CYP26B1: variants seen among roughly 807,000 people sequenced by gnomAD.
CYP26B1 encodes cytochrome P450 26B1.
Under a neutral mutation model 39.1 loss-of-function variants are expected in CYP26B1, and 8 were observed. The ratio of observed to expected loss-of-function variants is 0.20; its 90% CI spans 0.12 to 0.37. CYP26B1 has a LOEUF of 0.37. CYP26B1 is among the 10% of genes least tolerant of loss of function. The probability of loss-of-function intolerance (pLI) is 1.00; values close to 1 mark genes in which losing one functional copy is unlikely to be tolerated. For missense variants in CYP26B1, 615 were observed against 707.0 expected (o/e 0.87, Z 1.48); for synonymous variants, 321 against 314.3 (o/e 1.02, Z -0.23).
chr2:72,132,799 C>T (rs1210991899), intron 5 of CYP26B1, among the ~76,000 whole-genome samples, 180 bp from the exon 6 acceptor site: 1 of 152,252 alleles, frequency 6.6e-6, no homozygotes, highest in Non-Finnish European at 1.5e-5. Context: ...AGTCCAAGCC[C>T]TTATCTGTAG....
At chr2:72,142,903 G>GTCTTTCTTCTTTTGTCT (rs1676982940) in intron 2 of CYP26B1, 1 of 166,984 alleles carries the variant, frequency 6.0e-6, no homozygotes, top group Admixed American at 6.5e-5. Flanking sequence ...TCCTCGGTTT[G>GTCTTTCTTCTTTTGTCT]ACCGCTCCTT....
At chr2:72,142,682 C>T (rs1321136276) in intron 2 of CYP26B1, among the ~76,000 whole-genome samples, 1 of 152,162 alleles carries the variant, frequency 6.6e-6, no homozygotes, top group Non-Finnish European at 1.5e-5. Context: ...AATAAGTGCC[C>T]GCAACTTTGA....
Position 72,135,400 on chromosome 2 carries a change from C to T in CYP26B1, c.449G>A (p.Ser150Asn). The T allele has an allele frequency of 6.2e-7, 1 of 1,612,216 alleles. No individual in the cohort carries two copies. Among genetic ancestry groups the T allele is most frequent in the Non-Finnish European group, 8.5e-7 (1 of 1,180,030 alleles). The stretch of plus-strand genomic sequence containing the variant: ...CAGGTAACTCTCCAGGGCCTCGTGG[C>T]TGAAGATCTTGGAGAAGACCTGGAA... ...NKRKVFSKIF[S>N]HEALESYLPK... The change falls in exon 3 of 6, where the codon AGC (serine) becomes AAC (asparagine). Residue 150 changes from serine to asparagine, a missense_variant. Transcript: ENST00000001146.
At chr2:72,143,907 G>A in intron 2 of CYP26B1, 82 bp downstream of exon 2, 2 of 1,510,920 alleles carry the variant, frequency 1.3e-6, no homozygotes, top group Non-Finnish European at 1.8e-6. Context: ...AGATTCGGTA[G>A]GGGACATTCC....
At chr2:72,144,472 G>A (rs947472752) in intron 1 of CYP26B1, 25 of 1,289,022 alleles carry the variant, frequency 1.9e-5, no homozygotes, top group East Asian at 3.0e-5. Flanking sequence ...AATGACTTTC[G>A]AGAGGAAAGA....
Position 72,144,512 on chromosome 2 carries a change from G to A in CYP26B1, c.205-299C>T. Reference sequence around the variant, plus strand: ...TCCCGGACAGCTGGACCCGAAGCGGGAGTCTCCGCCCCCACCCCCACCCCC... The same window carrying A: ...TCCCGGACAGCTGGACCCGAAGCGGAAGTCTCCGCCCCCACCCCCACCCCC... On this transcript the variant is annotated intron_variant, in intron 1 of 5. Coordinates refer to ENST00000001146, the MANE Select transcript of CYP26B1 (RefSeq NM_019885.4). 5.1e-6 allele frequency: 6 copies of A among 1,172,728 alleles called. No homozygotes were observed. In the South Asian group the frequency reaches 2.2e-4, roughly 44 times the overall value. 72.6% of individuals were successfully genotyped at this position (1,172,728 alleles called of 1,614,324 possible).
intron 1 of CYP26B1, among the ~76,000 whole-genome samples, chr2:72,145,051 C>T (rs992902003): frequency 2.0e-5 from 3 of 152,114 alleles, no homozygotes; most frequent in African/African-American, 7.2e-5. Context: ...TCACCTTTGA[C>T]GTCGGCACTA....
chr2:72,140,405 G>A (rs1401196526), intron 2 of CYP26B1, among the ~76,000 whole-genome samples: 1 of 152,252 alleles, frequency 6.6e-6, no homozygotes, highest in Admixed American at 6.5e-5. Context: ...ACTTTTGGGT[G>A]AAGGACTTGT....
Position 72,147,670 on chromosome 2 carries a change from G to A in CYP26B1, c.165C>T (p.Gly55=). 1 of 1,610,218 alleles carries A rather than the reference G, an allele frequency of 6.2e-7. No homozygotes were observed. Among genetic ancestry groups the A allele is most frequent in the Non-Finnish European group, 8.5e-7 (1 of 1,178,832 alleles). The change falls in exon 1 of 6, where the codon GGC becomes GGT. Residue 55 remains glycine (G), a synonymous_variant. Coordinates refer to ENST00000001146, the MANE Select transcript of CYP26B1 (RefSeq NM_019885.4). This position sits in a 1 kb window ranked among gnomAD's most constrained non-coding sequence, Gnocchi z 6.1. ...GGCCGGTCTCTCCGATGAGCGGGAAGCCCATGGATCCCTTGGGGATGGGCA... is the reference window on the plus strand; with the variant it reads ...GGCCGGTCTCTCCGATGAGCGGGAAACCCATGGATCCCTTGGGGATGGGCA... ...CKLPIPKGSM[G]FPLIGETGHW... is the part of the protein sequence containing the mutation.
Position 72,133,112 on chromosome 2 carries a change from A to G in CYP26B1, c.1057T>C (p.Tyr353His). Reference sequence around the variant, plus strand: ...ACCTCCTTGATGACGCAGTCCAGGTAGCGCAGCCCACTGAGCGTGTCCAGG... The same window carrying G: ...ACCTCCTTGATGACGCAGTCCAGGTGGCGCAGCCCACTGAGCGTGTCCAGG... ...LRLDTLSGLR[Y>H]LDCVIKEVMR... Residue 353 changes from tyrosine (Y) to histidine (H), a missense_variant, in exon 5 of 6, where the codon TAC becomes CAC. Physicochemically the swap from Tyr to His is moderately conservative, Grantham distance 83 (BLOSUM62 2). Coordinates refer to ENST00000001146, the MANE Select transcript of CYP26B1 (RefSeq NM_019885.4). The G allele has an allele frequency of 1.2e-6, 2 of 1,613,142 alleles. No homozygotes were observed. The highest frequency in any genetic ancestry group is 2.2e-5 in the South Asian group (2 of 91,090).
At chr2:72,145,535 G>A (rs1416508461) in intron 1 of CYP26B1, among the ~76,000 whole-genome samples, 2 of 152,242 alleles carry the variant, frequency 1.3e-5, no homozygotes, top group African/African-American at 4.8e-5. Flanking sequence ...CGGAGGTGGG[G>A]TGCGACAGAA....
intron 2 of CYP26B1, among the ~76,000 whole-genome samples, chr2:72,135,677 C>A (rs1313499666): frequency 6.6e-6 from 1 of 152,126 alleles, no homozygotes; most frequent in Admixed American, 6.5e-5. Context: ...AATCCCGGGA[C>A]ACAGGACGGA....
In CYP26B1 at chr2:72,144,043, C is replaced by A. The variant is rs1194159422; in HGVS notation, c.375G>T (p.Leu125=). Residue 125 remains leucine (L), a synonymous_variant, in exon 2 of 6, where the codon CTG becomes CTT. Coordinates refer to ENST00000001146, the MANE Select transcript of CYP26B1 (RefSeq NM_019885.4). ...TEWPRSTRML[L]GPNTVSNSIG... is the part of the protein sequence containing the mutation. ...TGGAATTGGACACCGTGTTGGGGCCCAGCAACATGCGGGTGCTGCGAGGCC... is the reference window on the plus strand; with the variant it reads ...TGGAATTGGACACCGTGTTGGGGCCAAGCAACATGCGGGTGCTGCGAGGCC... 6.2e-7 allele frequency: 1 copy of A among 1,613,702 alleles called. No homozygotes were observed. The highest frequency in any genetic ancestry group is 8.5e-7 in the Non-Finnish European group (1 of 1,180,026).
intron 2 of CYP26B1, among the ~76,000 whole-genome samples, chr2:72,143,563 A>T (rs1428971392): frequency 2.6e-5 from 4 of 152,074 alleles, no homozygotes; most frequent in African/African-American, 4.8e-5. Context: ...GACTCCCTTC[A>T]AGCAGCCTGT....
intron 2 of CYP26B1, among the ~76,000 whole-genome samples, chr2:72,140,582 C>T (rs919580678): frequency 5.9e-5 from 9 of 152,292 alleles, no homozygotes; most frequent in African/African-American, 1.9e-4. Flanking sequence ...GTGCCTTGGT[C>T]CAAATGCCTC....
Position 72,144,175 on chromosome 2 carries a change from G to A in CYP26B1, c.243C>T (p.Gly81=). 1 of 1,604,606 alleles carries A rather than the reference G, an allele frequency of 6.2e-7. No homozygotes were observed. Among genetic ancestry groups the A allele is most frequent in the Non-Finnish European group, 8.5e-7 (1 of 1,172,388 alleles). ...CCAACAAATGCGTCTTGAACACGTT[G>A]CCATACTTCTCCCTCCGCGACGACT... ...GFQSSRREKY[G]NVFKTHLLGR... is the part of the protein sequence containing the mutation. The change falls in exon 2 of 6, where the codon GGC becomes GGT. Residue 81 remains glycine (G), a synonymous_variant. Coordinates refer to ENST00000001146, the MANE Select transcript of CYP26B1 (RefSeq NM_019885.4).
chr2:72,137,332 C>T (rs965070331), intron 2 of CYP26B1, among the ~76,000 whole-genome samples: 2 of 152,196 alleles, frequency 1.3e-5, no homozygotes, highest in African/African-American at 2.4e-5. Flanking sequence ...GCTATCTGCT[C>T]CCCCAAGCCT....
intron 3 of CYP26B1, 30 bp downstream of exon 3, chr2:72,135,114 C>A: frequency 6.2e-7 from 1 of 1,611,648 alleles, no homozygotes; most frequent in Non-Finnish European, 8.5e-7. Context: ...GATGCCCCTG[C>A]TCCTCTCCTC....
rs12478279 is a variant in CYP26B1 at position 72,132,389 on chromosome 2, A to G, written c.1377T>C (p.Ala459=). 99,207 of 1,610,962 alleles carry G rather than the reference A, an allele frequency of 0.062. 5,285 individuals carry two copies. Among genetic ancestry groups the G allele is most frequent in the Admixed American group, 0.22 (13,230 of 59,564 alleles). ...TGGCCAGCTCAAAGCGGCTGGTGCT[A>G]GCCAGCTCCACCGCCAGCACCTTCA... ...LFLKVLAVEL[A]STSRFELATR... is the part of the protein sequence containing the mutation. Residue 459 remains alanine, a synonymous_variant, in exon 6 of 6, where the codon GCT becomes GCC. Coordinates refer to ENST00000001146, the MANE Select transcript of CYP26B1 (RefSeq NM_019885.4).
Sources: allele counts gnomAD v4.1 joint callset (sites outside exome capture counted in the v4.1 genomes callset), GRCh38; gene constraint gnomAD v4.1.1; non-coding constraint Gnocchi (gnomAD v3.1); transcripts MANE v1.5; gene names NCBI Gene and HGNC (gene_info 2026-07-23, HGNC 2026-07-21).